The following KCNH7 variants were observed in gnomAD, a reference collection of about 807,000 sequenced individuals.
KCNH7 encodes the protein voltage-gated inwardly rectifying potassium channel KCNH7.
In KCNH7, 49 loss-of-function variants were observed where a neutral mutation model predicts 120.8. The ratio of observed to expected loss-of-function variants is 0.41; its 90% CI spans 0.32 to 0.51. KCNH7 has a LOEUF of 0.51. Ranked by LOEUF, KCNH7 falls within the 20% of genes least tolerant of loss-of-function variation. The probability of loss-of-function intolerance (pLI) is 0.38; values close to 1 mark genes in which losing one functional copy is unlikely to be tolerated. For synonymous variants in KCNH7, 547 were observed against 516.1 expected (o/e 1.06, Z -0.81); for missense variants, 1,097 against 1,446.6 (o/e 0.76, Z 3.92).
At chr2:162,584,297 T>C (rs1693960270) in intron 2 of KCNH7, among the ~76,000 whole-genome samples, 1 of 152,130 alleles carries the variant, frequency 6.6e-6, no homozygotes, top group Non-Finnish European at 1.5e-5. Context: ...ATCTATATCT[T>C]ATGTCCATTT....
At chr2:162,838,332 T>G (rs1461777945) in intron 1 of KCNH7, 111 bp downstream of exon 1, 1 of 834,550 alleles carries the variant, frequency 1.2e-6, no homozygotes, top group Non-Finnish European at 2.0e-6. Flanking sequence ...TCACAGCCTC[T>G]TAAGTTGACA....
chr2:162,758,433 A>G (rs1348377426), intron 2 of KCNH7, among the ~76,000 whole-genome samples: 1 of 152,146 alleles, frequency 6.6e-6, no homozygotes, highest in East Asian at 1.9e-4. Context: ...TTGTATGTAT[A>G]CATACACACA....
intron 2 of KCNH7, among the ~76,000 whole-genome samples, chr2:162,552,264 C>A (rs7580745): frequency 0.029 from 4,463 of 152,164 alleles, 232 homozygotes; most frequent in African/African-American, 0.099. Flanking sequence ...ATATCTGGTT[C>A]TTAGTACTCT....
intron 2 of KCNH7, among the ~76,000 whole-genome samples, chr2:162,749,881 GTAAAGCATGA>G (rs1459806574): frequency 6.6e-6 from 1 of 152,134 alleles, no homozygotes; most frequent in African/African-American, 2.4e-5. Context: ...TGAGAGTTGG[GTAAAGCATGA>G]AGGTAAAATG....
intron 2 of KCNH7, among the ~76,000 whole-genome samples, chr2:162,818,431 T>C (rs922831169): frequency 1.5e-4 from 23 of 151,552 alleles, no homozygotes; most frequent in African/African-American, 5.6e-4. Context: ...TCCTGTCCCA[T>C]TGATTATTAT....
At chr2:162,437,589 G>A (rs982575307) in intron 7 of KCNH7, among the ~76,000 whole-genome samples, 1 of 152,032 alleles carries the variant, frequency 6.6e-6, no homozygotes, top group African/African-American at 2.4e-5. Flanking sequence ...TGTCCCCTTG[G>A]ATAAGTTATT....
At chr2:162,673,097 A>G (rs550266537) in intron 2 of KCNH7, among the ~76,000 whole-genome samples, 153 of 152,172 alleles carry the variant, frequency 1.0e-3, no homozygotes, top group African/African-American at 3.6e-3. Flanking sequence ...CAATTCTACC[A>G]AACTTTAAAA....
At chr2:162,542,936 T>A (rs907511528) in intron 2 of KCNH7, among the ~76,000 whole-genome samples, 70 of 152,178 alleles carry the variant, frequency 4.6e-4, no homozygotes, top group African/African-American at 1.7e-3. Flanking sequence ...TTTTAATGAT[T>A]TCTATAACTC....
chr2:162,572,072 TGC>T (rs1191198438), intron 2 of KCNH7, among the ~76,000 whole-genome samples: 1 of 152,004 alleles, frequency 6.6e-6, no homozygotes, highest in Non-Finnish European at 1.5e-5. Flanking sequence ...AAAGAGCTTC[TGC>T]ACAGCAAAAG....
At chr2:162,479,210 A>G (rs1689846210) in intron 6 of KCNH7, among the ~76,000 whole-genome samples, 2 of 151,346 alleles carry the variant, frequency 1.3e-5, no homozygotes, top group South Asian at 4.2e-4. Context: ...AATAGCTTGA[A>G]TATATCTTAT....
chr2:162,375,570 G>T (rs1032983002), intron 14 of KCNH7, among the ~76,000 whole-genome samples: 3 of 152,076 alleles, frequency 2.0e-5, no homozygotes, highest in South Asian at 4.1e-4. Context: ...TTGCTGATAG[G>T]TTTTTTTATA....
At chr2:162,484,237 A>T (rs189380844) in intron 6 of KCNH7, among the ~76,000 whole-genome samples, 1 of 150,978 alleles carries the variant, frequency 6.6e-6, no homozygotes, top group African/African-American at 2.4e-5. Context: ...ACACACACAC[A>T]CACACACACA....
At chr2:162,656,842 T>C (rs959554510) in intron 2 of KCNH7, among the ~76,000 whole-genome samples, 2 of 152,208 alleles carry the variant, frequency 1.3e-5, no homozygotes, top group African/African-American at 4.8e-5. Flanking sequence ...AAAGAAATAC[T>C]GATTATTGCA....
chr2:162,710,746 C>T (rs1686899444), intron 2 of KCNH7, among the ~76,000 whole-genome samples: 1 of 152,152 alleles, frequency 6.6e-6, no homozygotes, highest in African/African-American at 2.4e-5. Flanking sequence ...GCTGCTGCTA[C>T]TTAGCTTTGG....
At position 162,518,026 on chromosome 2, in the gene KCNH7, T is replaced by C. The variant is rs1365985912; in HGVS notation, c.596A>G (p.His199Arg). The change falls in exon 4 of 16, where the codon CAT becomes CGT. Residue 199 changes from histidine (H) to arginine (R), a missense_variant. This residue lies in a region of KCNH7 where 362 missense variants were observed against 372.2 expected (regional missense o/e 0.97). Coordinates refer to ENST00000332142, the MANE Select transcript of KCNH7 (RefSeq NM_033272.4). ...KHSDDSVAMK[H>R]FKSPTKESCS... Reference sequence around the variant, plus strand: ...GCTTTCTTTTGTAGGAGACTTAAAATGCTTCATGGCTACTGAATCATCACT... The same window carrying C: ...GCTTTCTTTTGTAGGAGACTTAAAACGCTTCATGGCTACTGAATCATCACT... The C allele has an allele frequency of 1.2e-6, 2 of 1,612,408 alleles. No homozygotes were observed. Among genetic ancestry groups the C allele is most frequent in the African/African-American group, 1.3e-5 (1 of 74,784 alleles).
At chr2:162,825,922 G>A (rs989130984) in intron 2 of KCNH7, among the ~76,000 whole-genome samples, 2 of 152,032 alleles carry the variant, frequency 1.3e-5, no homozygotes, top group African/African-American at 2.4e-5. Flanking sequence ...CATTGTAACA[G>A]TGGATATCTG....
rs148991567 is a variant in KCNH7, at chr2:162,642,332, T to C, written c.308-105252A>G. Among the ~76,000 whole-genome samples, 362 of 152,342 alleles carry C rather than the reference T, an allele frequency of 2.4e-3. 1 individual carries two copies. Among genetic ancestry groups the C allele is most frequent in the Non-Finnish European group, 3.6e-3 (243 of 68,040 alleles). Reference sequence around the variant, plus strand: ...TTATCTTGCCATTTAATATTTATTATTTTAAATTTGCATTTGTACATGCTT... The same window carrying C: ...TTATCTTGCCATTTAATATTTATTACTTTAAATTTGCATTTGTACATGCTT... On this transcript the variant is annotated intron_variant, in intron 2 of 15. Coordinates refer to ENST00000332142, the MANE Select transcript of KCNH7 (RefSeq NM_033272.4).
intron 6 of KCNH7, among the ~76,000 whole-genome samples, chr2:162,450,115 T>C (rs1301697114): frequency 6.6e-6 from 1 of 152,110 alleles, no homozygotes; most frequent in Non-Finnish European, 1.5e-5. Context: ...ACTAACCTAA[T>C]TCTTAATGTG....
intron 7 of KCNH7, 98 bp downstream of exon 7, chr2:162,445,920 C>T (rs1405119492): frequency 4.4e-6 from 4 of 915,216 alleles, no homozygotes; most frequent in Non-Finnish European, 6.4e-6. Context: ...CAGTGAGATA[C>T]AAGAAGCTTG....
Sources: allele counts gnomAD v4.1 joint callset (sites outside exome capture counted in the v4.1 genomes callset), GRCh38; gene constraint gnomAD v4.1.1; regional missense constraint gnomAD v4.1.1; transcripts MANE v1.5; gene names NCBI Gene and HGNC (gene_info 2026-07-23, HGNC 2026-07-21).